DLGAP1: variants seen among roughly 807,000 people sequenced by gnomAD.
DLGAP1 encodes DLG associated protein 1.
DLGAP1 carries 11 observed loss-of-function variants against 90.8 expected under a neutral mutation model. The ratio of observed to expected loss-of-function variants is 0.12; its 90% CI spans 0.08 to 0.20. The LOEUF is 0.20. DLGAP1 is among the 10% of genes least tolerant of loss of function. DLGAP1 has a pLI of 1.00. For synonymous variants in DLGAP1, 558 were observed against 540.7 expected, an observed-to-expected ratio of 1.03 and a Z score of -0.44; for missense variants, 1,050 against 1,333.8, an observed-to-expected ratio of 0.79 and a Z score of 3.31.
intron 1 of DLGAP1, among the ~76,000 whole-genome samples, chr18:4,288,345 T>C (rs1381803937): frequency 1.3e-5 from 2 of 152,136 alleles, no homozygotes; most frequent in Non-Finnish European, 2.9e-5. Context: ...GGAGTTTCAA[T>C]TAACAAGTCA....
intron 3 of DLGAP1, chr18:3,995,487 A>G (rs2074050377): frequency 1.3e-5 from 2 of 152,174 alleles, no homozygotes; most frequent in Admixed American, 1.3e-4. Flanking sequence ...GCTTGTCCCT[A>G]AACTTATGGG....
chr18:4,411,287 A>G (rs563066467), intron 1 of DLGAP1, among the ~76,000 whole-genome samples: 1 of 152,346 alleles, frequency 6.6e-6, no homozygotes, highest in Non-Finnish European at 1.5e-5. Flanking sequence ...GAGACCCATC[A>G]TCAGTAGAGA....
chr18:4,308,259 C>T lies in DLGAP1; in HGVS notation c.-267+146747G>A, dbSNP rs543353081. Among the ~76,000 whole-genome samples, 185 of 152,276 alleles carry T rather than the reference C, an allele frequency of 1.2e-3. 1 individual carries two copies. Among genetic ancestry groups the T allele is most frequent in the African/African-American group, 4.3e-3 (178 of 41,572 alleles). Reference sequence around the variant, plus strand: ...CTCACTGCCCTCTGCCTTTGCTCTACCAAATATCTGCAACCATGCAGAGGT... The same window carrying T: ...CTCACTGCCCTCTGCCTTTGCTCTATCAAATATCTGCAACCATGCAGAGGT... On this transcript the variant is annotated intron_variant, in intron 1 of 12. Coordinates refer to ENST00000315677, the MANE Select transcript of DLGAP1 (RefSeq NM_004746.4).
intron 2 of DLGAP1, among the ~76,000 whole-genome samples, chr18:4,101,981 G>A (rs1191060742): frequency 6.6e-6 from 1 of 151,624 alleles, no homozygotes; most frequent in Admixed American, 6.6e-5. Flanking sequence ...GCAGTCTTTT[G>A]TGTATTAAAA....
At chr18:4,089,447 A>G (rs954117067) in intron 2 of DLGAP1, among the ~76,000 whole-genome samples, 2 of 152,220 alleles carry the variant, frequency 1.3e-5, no homozygotes, top group Admixed American at 6.5e-5. Context: ...ATTACAAAAA[A>G]CTACTTTAAA....
chr18:3,563,018 G>C (rs940719866), intron 9 of DLGAP1, among the ~76,000 whole-genome samples: 4 of 151,896 alleles, frequency 2.6e-5, no homozygotes, highest in African/African-American at 9.7e-5. Context: ...GTAGAGATGG[G>C]ATTTTGCCAT....
At chr18:4,351,958 C>T (rs2081411557) in intron 1 of DLGAP1, among the ~76,000 whole-genome samples, 1 of 152,124 alleles carries the variant, frequency 6.6e-6, no homozygotes, top group Non-Finnish European at 1.5e-5. Flanking sequence ...TCACGGATTG[C>T]CTTATCACAC....
In DLGAP1 at chr18:3,711,851, A is replaced by C. The variant is rs1798090307; in HGVS notation, c.1591+17284T>G. Among the ~76,000 whole-genome samples, 1 of 152,148 alleles carries C rather than the reference A, an allele frequency of 6.6e-6. No homozygotes were observed. Among genetic ancestry groups the C allele is most frequent in the Non-Finnish European group, 1.5e-5 (1 of 68,018 alleles). On this transcript the variant is annotated intron_variant, in intron 7 of 12. Transcript: ENST00000315677. This position sits in a 1 kb window ranked among gnomAD's most constrained non-coding sequence, Gnocchi z 4.0. ...GAGACCTTGTCTCAAAAAGAAAGAAAAAGAAAAAAATAAAAAAAGGAAGAC... is the reference window on the plus strand; with the variant it reads ...GAGACCTTGTCTCAAAAAGAAAGAACAAGAAAAAAATAAAAAAAGGAAGAC...
intron 3 of DLGAP1, among the ~76,000 whole-genome samples, chr18:3,894,173 G>A (rs1299643018): frequency 6.6e-6 from 1 of 152,126 alleles, no homozygotes; most frequent in Non-Finnish European, 1.5e-5. Context: ...TCTGTAAGTG[G>A]TCTGAGTATT....
chr18:4,194,108 C>T (rs959331929), intron 1 of DLGAP1, among the ~76,000 whole-genome samples: 1 of 152,094 alleles, frequency 6.6e-6, no homozygotes, highest in African/African-American at 2.4e-5. Context: ...AATCCTCTCA[C>T]CCAGGTACTG....
intron 2 of DLGAP1, among the ~76,000 whole-genome samples, chr18:4,056,901 T>C (rs2075225381): frequency 6.6e-6 from 1 of 152,096 alleles, no homozygotes; most frequent in South Asian, 2.1e-4. Context: ...CACATCCGGA[T>C]GATAACTAGA....
At chr18:4,122,858 C>T (rs1233513066) in intron 2 of DLGAP1, among the ~76,000 whole-genome samples, 3 of 152,146 alleles carry the variant, frequency 2.0e-5, no homozygotes, top group Non-Finnish European at 4.4e-5. Context: ...AGCAAAGGTT[C>T]TCCCTTCTCT....
At chr18:3,978,762 T>A (rs1293639330) in intron 3 of DLGAP1, 1 of 152,916 alleles carries the variant, frequency 6.5e-6, no homozygotes, top group Non-Finnish European at 1.5e-5. Context: ...GCGATTCAAT[T>A]TTCCCCCTAG....
At chr18:4,141,432 A>T (rs940109082) in intron 2 of DLGAP1, among the ~76,000 whole-genome samples, 1 of 152,036 alleles carries the variant, frequency 6.6e-6, no homozygotes, top group Non-Finnish European at 1.5e-5. Context: ...ACAAGCATGC[A>T]TTCCACTTTT....
At chr18:4,074,021 T>C (rs1161588240) in intron 2 of DLGAP1, among the ~76,000 whole-genome samples, 1 of 152,150 alleles carries the variant, frequency 6.6e-6, no homozygotes, top group East Asian at 1.9e-4. Context: ...CAGATAACCT[T>C]ATTCATAGGG....
At chr18:4,407,891 T>TAAATAA (rs1567898036) in intron 1 of DLGAP1, among the ~76,000 whole-genome samples, 70 of 42,212 alleles carry the variant, frequency 1.7e-3, no homozygotes, top group Non-Finnish European at 2.7e-3. Flanking sequence ...TAAATAAATA[T>TAAATAA]ATAAATAAAT....
At chr18:3,723,780 A>G (rs923368397) in intron 7 of DLGAP1, among the ~76,000 whole-genome samples, 2 of 152,290 alleles carry the variant, frequency 1.3e-5, no homozygotes, top group Middle Eastern at 3.4e-3. Flanking sequence ...GCTGCCAGGA[A>G]TGGGGGAGGG....
intron 2 of DLGAP1, among the ~76,000 whole-genome samples, chr18:4,062,069 A>C (rs2075306315): frequency 6.6e-6 from 1 of 152,154 alleles, no homozygotes; most frequent in Non-Finnish European, 1.5e-5. Flanking sequence ...TCCTTGTGTG[A>C]CTTTTTGTTT....
intron 8 of DLGAP1, among the ~76,000 whole-genome samples, chr18:3,569,352 C>T (rs1266487748): frequency 2.0e-5 from 3 of 151,882 alleles, no homozygotes; most frequent in Non-Finnish European, 4.4e-5. Context: ...CTGTTCATAT[C>T]CTTTACTAGT....
Sources: allele counts gnomAD v4.1 joint callset (sites outside exome capture counted in the v4.1 genomes callset), GRCh38; gene constraint gnomAD v4.1.1; non-coding constraint Gnocchi (gnomAD v3.1); transcripts MANE v1.5; gene names NCBI Gene and HGNC (gene_info 2026-07-23, HGNC 2026-07-21).